The following GALNT13 variants were observed in gnomAD, a reference collection of about 807,000 sequenced individuals.
GALNT13 encodes the protein UDP-GalNAc:polypeptide N-acetylgalactosaminyltransferase 13.
A neutral mutation model predicts 64.2 loss-of-function variants in GALNT13; 28 were observed. The ratio of observed to expected loss-of-function variants is 0.44; its 90% CI spans 0.32 to 0.60. The LOEUF (loss-of-function observed/expected upper bound fraction) is 0.60, where lower values mean the gene tolerates loss of function less well. Among genes scored for constraint, GALNT13 ranks in the 20% least tolerant of loss-of-function variants. The pLI is 0.05. For missense variants in GALNT13, 577 were observed against 669.8 expected (o/e 0.86, Z 1.53); for synonymous variants, 214 against 224.6 (o/e 0.95, Z 0.42).
the GALNT13 span, among the ~76,000 whole-genome samples, chr2:153,632,047 T>G: frequency 3.3e-5 from 5 of 152,136 alleles, no homozygotes; most frequent in African/African-American, 7.2e-5. Flanking sequence ...CAAAACAGCA[T>G]CCTTTGTCCC....
chr2:154,067,741 T>C (rs1700542693), intron 3 of GALNT13, among the ~76,000 whole-genome samples: 1 of 152,064 alleles, frequency 6.6e-6, no homozygotes, highest in South Asian at 2.1e-4. Context: ...TACTTAAAGC[T>C]AAGACTTGAA....
chr2:153,544,421 A>G, the GALNT13 span, among the ~76,000 whole-genome samples: 1 of 152,216 alleles, frequency 6.6e-6, no homozygotes, highest in African/African-American at 2.4e-5. Flanking sequence ...TGATCATAAT[A>G]CAAGCATTGC....
chr2:154,204,105 C>T lies in GALNT13; in HGVS notation c.312-37925C>T, dbSNP rs148896563. Reference sequence around the variant, plus strand: ...TGTTCTTTGGACTTTGGGACTCATTCACTCTGGACCATTGCCATCCTTTCT... The same window carrying T: ...TGTTCTTTGGACTTTGGGACTCATTTACTCTGGACCATTGCCATCCTTTCT... On this transcript the variant is annotated intron_variant, in intron 4 of 12. Coordinates refer to ENST00000392825, the MANE Select transcript of GALNT13 (RefSeq NM_052917.4). Among the ~76,000 whole-genome samples, 10 of 152,220 alleles carry T rather than the reference C, an allele frequency of 6.6e-5. No individual in the cohort carries two copies. The East Asian group carries it at 1.9e-3, about 29-fold the overall frequency.
At chr2:154,210,876 G>C (rs186982577) in intron 4 of GALNT13, among the ~76,000 whole-genome samples, 1 of 152,144 alleles carries the variant, frequency 6.6e-6, no homozygotes, top group Non-Finnish European at 1.5e-5. Context: ...GAGTAGATTT[G>C]ATAGTTGGGA....
chr2:154,259,893 G>A (rs1204183277), intron 8 of GALNT13, among the ~76,000 whole-genome samples: 2 of 151,724 alleles, frequency 1.3e-5, no homozygotes, highest in Non-Finnish European at 2.9e-5. Flanking sequence ...TGTTGTTGTT[G>A]TTTTTTGAGA....
the GALNT13 span, among the ~76,000 whole-genome samples, chr2:153,219,574 C>T: frequency 4.0e-4 from 61 of 152,180 alleles, no homozygotes; most frequent in Non-Finnish European, 8.1e-4. Context: ...AATTTTATAC[C>T]ACTTCAGACT....
At chr2:153,085,928 G>A in the GALNT13 span, among the ~76,000 whole-genome samples, 5 of 152,192 alleles carry the variant, frequency 3.3e-5, no homozygotes, top group African/African-American at 7.2e-5. Context: ...GCTGTGCCCT[G>A]CAAAGCCACA....
At chr2:153,530,621 T>G in the GALNT13 span, among the ~76,000 whole-genome samples, 1 of 152,062 alleles carries the variant, frequency 6.6e-6, no homozygotes, top group Admixed American at 6.6e-5. Flanking sequence ...CTTCAAATTA[T>G]ACTATGGAGT....
At chr2:153,824,477 AT>A in the GALNT13 span, among the ~76,000 whole-genome samples, 1 of 152,072 alleles carries the variant, frequency 6.6e-6, no homozygotes, top group Non-Finnish European at 1.5e-5. Flanking sequence ...AGGAATCCAC[AT>A]TTGTTCAGGG....
chr2:154,114,651 C>G (rs1446687539), intron 3 of GALNT13, among the ~76,000 whole-genome samples: 4 of 152,090 alleles, frequency 2.6e-5, no homozygotes, highest in African/African-American at 4.8e-5. Context: ...TGGATCAAGT[C>G]TGGAAATTGA....
At chr2:153,590,599 A>C in the GALNT13 span, among the ~76,000 whole-genome samples, 1 of 152,176 alleles carries the variant, frequency 6.6e-6, no homozygotes, top group Non-Finnish European at 1.5e-5. Context: ...ACTGAAAACC[A>C]AATTCAACAA....
intron 3 of GALNT13, among the ~76,000 whole-genome samples, chr2:153,979,912 A>G (rs1167275356): frequency 6.6e-6 from 1 of 152,198 alleles, no homozygotes; most frequent in East Asian, 1.9e-4. Flanking sequence ...ATTATTTACT[A>G]ATTCAATGGA....
rs185720178 is a variant in GALNT13 at position 154,316,344 on chromosome 2, A to G, written c.1156+14755A>G. Among the ~76,000 whole-genome samples, 285 of 152,316 alleles carry G rather than the reference A, an allele frequency of 1.9e-3. 1 individual carries two copies. The highest frequency in any genetic ancestry group is 6.8e-3 in the African/African-American group (281 of 41,580). ...ATACATTTGAAAATTGTGATCAACT[A>G]GGAATTTTGTACAACTTAAAAATTT... On this transcript the variant is annotated intron_variant, in intron 9 of 12. Transcript: ENST00000392825.
At chr2:153,500,312 T>C in the GALNT13 span, among the ~76,000 whole-genome samples, 5 of 152,128 alleles carry the variant, frequency 3.3e-5, no homozygotes, top group African/African-American at 9.6e-5. Context: ...TTAGAAGACA[T>C]AGATCAAAAT....
At chr2:154,097,040 G>A (rs1204523651) in intron 3 of GALNT13, among the ~76,000 whole-genome samples, 1 of 151,816 alleles carries the variant, frequency 6.6e-6, no homozygotes, top group Non-Finnish European at 1.5e-5. Context: ...ATATTTTAAA[G>A]CCTTAAAAGA....
chr2:153,133,487 T>C, the GALNT13 span, among the ~76,000 whole-genome samples: 1 of 152,112 alleles, frequency 6.6e-6, no homozygotes, highest in African/African-American at 2.4e-5. Flanking sequence ...CTGTTTTTTT[T>C]CTTTTTCATC....
rs574983851 is a variant in GALNT13 at position 154,064,466 on chromosome 2, G to A, written c.143-75871G>A. ...AGGCAGCACAGCTCACAGCTCTGAC[G>A]GCTTATTTCTTCTGCTTAAGGAGAG... On this transcript the variant is annotated intron_variant, in intron 3 of 12. Coordinates refer to ENST00000392825, the MANE Select transcript of GALNT13 (RefSeq NM_052917.4). Among the ~76,000 whole-genome samples the A allele has an allele frequency of 7.9e-5, 12 of 152,154 alleles. No individual in the cohort carries two copies. The South Asian group carries it at 1.5e-3, about 18-fold the overall frequency.
At chr2:154,426,614 A>G (rs1472920826) in intron 11 of GALNT13, among the ~76,000 whole-genome samples, 1 of 152,218 alleles carries the variant, frequency 6.6e-6, no homozygotes, top group African/African-American at 2.4e-5. Flanking sequence ...CAATACTGCA[A>G]TAGTAAAATA....
At chr2:154,367,843 AT>A (rs1164058673) in intron 9 of GALNT13, among the ~76,000 whole-genome samples, 7 of 152,226 alleles carry the variant, frequency 4.6e-5, no homozygotes, top group Non-Finnish European at 1.0e-4. Flanking sequence ...AAGCAGAATA[AT>A]TTATGGAACA....
Sources: allele counts gnomAD v4.1 joint callset (sites outside exome capture counted in the v4.1 genomes callset), GRCh38; gene constraint gnomAD v4.1.1; transcripts MANE v1.5; gene names NCBI Gene and HGNC (gene_info 2026-07-23, HGNC 2026-07-21).